ZPBP: variants seen among roughly 807,000 people sequenced by gnomAD.
ZPBP encodes zona pellucida binding protein.
ZPBP carries 26 observed loss-of-function variants against 44.8 expected under a neutral mutation model. The ratio of observed to expected loss-of-function variants is 0.58; its 90% confidence interval spans 0.43 to 0.81. ZPBP has a LOEUF of 0.81. Ranked by LOEUF, ZPBP falls within the 30% of genes least tolerant of loss-of-function variation. The probability of loss-of-function intolerance (pLI) is 0.00; values close to 1 mark genes in which losing one functional copy is unlikely to be tolerated. For synonymous variants in ZPBP, 174 were observed against 153.2 expected (o/e 1.14, Z -1.00); for missense variants, 409 against 434.0 (o/e 0.94, Z 0.51).
At position 49,940,834 on chromosome 7, in the gene ZPBP, T is replaced by C. The variant is rs530288417; in HGVS notation, c.962-3212A>G. 5.1e-6 allele frequency: 5 copies of C among 981,884 alleles called. No individual in the cohort carries two copies. The African/African-American group carries it at 7.0e-5, about 14-fold the overall frequency. The allele number at this position is 981,884 out of a possible 1,614,324, so 60.8% of individuals were successfully genotyped here. A position where few individuals can be genotyped will look rare whatever the true frequency, so the allele number is the denominator to read the frequency against. ...GTATGAGAGTCCCATGCCTGTGGGA[T>C]TGGTTTGTGATGGGTGCAGTTCCTG... On this transcript the variant is annotated intron_variant, in intron 7 of 7. Transcript: ENST00000046087.
intron 2 of ZPBP, among the ~76,000 whole-genome samples, chr7:49,880,844 T>G (rs1791632058): frequency 6.6e-6 from 1 of 152,098 alleles, no homozygotes; most frequent in African/African-American, 2.4e-5. Context: ...GCTCTTCATT[T>G]TTGCCTATGA....
At chr7:49,887,617 T>C (rs1284703385) in intron 2 of ZPBP, among the ~76,000 whole-genome samples, 1 of 152,200 alleles carries the variant, frequency 6.6e-6, no homozygotes, top group African/African-American at 2.4e-5. Flanking sequence ...ATGGTTTCCA[T>C]TTGTACAGGA....
intron 1 of ZPBP, among the ~76,000 whole-genome samples, chr7:50,090,487 G>A (rs1169515872): frequency 4.6e-5 from 7 of 151,016 alleles, no homozygotes; most frequent in African/African-American, 1.5e-4. Context: ...GTGTGTGTGT[G>A]TGTGTATATG....
chr7:49,926,514 C>A (rs758218446), intron 1 of ZPBP, among the ~76,000 whole-genome samples: 2 of 152,190 alleles, frequency 1.3e-5, no homozygotes, highest in African/African-American at 4.8e-5. Flanking sequence ...CTTGGTGGCA[C>A]CCTTGTCTCC....
intron 2 of ZPBP, among the ~76,000 whole-genome samples, chr7:49,859,758 T>G (rs909935716): frequency 4.0e-5 from 6 of 151,818 alleles, no homozygotes; most frequent in Non-Finnish European, 8.8e-5. Flanking sequence ...TCCCTACAGA[T>G]GTACTTGATG....
At chr7:50,059,217 T>C (rs1801125185) in intron 3 of ZPBP, among the ~76,000 whole-genome samples, 1 of 152,216 alleles carries the variant, frequency 6.6e-6, no homozygotes, top group Admixed American at 6.5e-5. Context: ...GCTTATAAAT[T>C]TTAAGTTGAT....
chr7:49,946,467 T>C (rs750781700), intron 7 of ZPBP, among the ~76,000 whole-genome samples: 1 of 152,184 alleles, frequency 6.6e-6, no homozygotes, highest in African/African-American at 2.4e-5. Flanking sequence ...AGATATACTA[T>C]TCTAGGATAC....
chr7:49,981,718 T>G (rs1796984561), intron 7 of ZPBP, among the ~76,000 whole-genome samples: 1 of 97,906 alleles, frequency 1.0e-5, no homozygotes, highest in Non-Finnish European at 1.8e-5. Flanking sequence ...ATATTATATA[T>G]AATATAAATT....
At chr7:50,027,848 C>A (rs1297396877) in intron 5 of ZPBP, among the ~76,000 whole-genome samples, 2 of 151,794 alleles carry the variant, frequency 1.3e-5, no homozygotes, top group Admixed American at 6.6e-5. Flanking sequence ...CACAAACTAC[C>A]AAAACTGACT....
chr7:50,005,523 G>T (rs1039057493), intron 6 of ZPBP, among the ~76,000 whole-genome samples: 1 of 151,982 alleles, frequency 6.6e-6, no homozygotes, highest in Non-Finnish European at 1.5e-5. Context: ...TATAGATTTT[G>T]CACATGACTG....
At chr7:50,018,956 T>C (rs1173872153) in intron 5 of ZPBP, among the ~76,000 whole-genome samples, 1 of 152,036 alleles carries the variant, frequency 6.6e-6, no homozygotes, top group Non-Finnish European at 1.5e-5. Flanking sequence ...AAATGAGTAC[T>C]GTCTCTGCAA....
At chr7:50,050,044 AAAT>A (rs1800607928) in intron 4 of ZPBP, among the ~76,000 whole-genome samples, 1 of 151,936 alleles carries the variant, frequency 6.6e-6, no homozygotes, top group African/African-American at 2.4e-5. Context: ...TAAAAAATCA[AAAT>A]AACACACTTA....
intron 7 of ZPBP, among the ~76,000 whole-genome samples, chr7:49,981,307 T>TA (rs1562818929): frequency 3.6e-5 from 2 of 55,222 alleles, no homozygotes; most frequent in South Asian, 5.2e-4. Context: ...TTATATATAA[T>TA]TATATATTAT....
chr7:50,011,076 T>C (rs1378205208), intron 6 of ZPBP, among the ~76,000 whole-genome samples: 1 of 152,090 alleles, frequency 6.6e-6, no homozygotes. Context: ...TACAGTCAAC[T>C]GATCATCAAC....
chr7:49,901,413 C>A (rs1050279782), intron 1 of ZPBP, among the ~76,000 whole-genome samples: 1 of 151,638 alleles, frequency 6.6e-6, no homozygotes, highest in African/African-American at 2.4e-5. Flanking sequence ...TATATACTAG[C>A]AAATGACAAC....
chr7:49,871,863 A>C (rs576324697), intron 2 of ZPBP, among the ~76,000 whole-genome samples: 1 of 150,168 alleles, frequency 6.7e-6, no homozygotes, highest in South Asian at 2.2e-4. Flanking sequence ...ATATACATAC[A>C]TATGTGCATA....
chr7:49,872,934 A>G lies in ZPBP; in HGVS notation n.510-22420T>C, dbSNP rs1429264699. ...TTGTCTCAAAAAAAAAAAAAAAAAAAAAAGAAAGAAAAAAATAAGAATTTG... is the reference window on the plus strand; with the variant it reads ...TTGTCTCAAAAAAAAAAAAAAAAAAGAAAGAAAGAAAAAAATAAGAATTTG... On this transcript the variant is annotated intron_variant and non_coding_transcript_variant, in intron 2 of 2. Coordinates refer to the ZPBP transcript ENST00000465922. 2.0e-3 allele frequency among the ~76,000 whole-genome samples: 301 copies of G among 148,654 alleles called. 2 individuals are homozygous for G. The highest frequency in any genetic ancestry group is 6.9e-3 in the African/African-American group (279 of 40,458).
At chr7:49,948,468 T>G (rs1213510259) in intron 7 of ZPBP, among the ~76,000 whole-genome samples, 1 of 152,026 alleles carries the variant, frequency 6.6e-6, no homozygotes, top group African/African-American at 2.4e-5. Context: ...TATTTGCAAA[T>G]CACATGTCTG....
intron 2 of ZPBP, among the ~76,000 whole-genome samples, chr7:49,897,341 GA>G (rs1238206099): frequency 6.6e-5 from 10 of 151,892 alleles, no homozygotes; most frequent in Non-Finnish European, 1.5e-4. Flanking sequence ...CAAAGACAGT[GA>G]AAAAAATACA....
Sources: gnomAD v4.1 joint callset for allele counts (sites outside exome capture counted in the v4.1 genomes callset) on GRCh38, gnomAD v4.1.1 for gene constraint, MANE v1.5 for transcripts, NCBI Gene and HGNC (gene_info 2026-07-23, HGNC 2026-07-21) for gene names.